The following BTBD9 variants were observed in gnomAD, a reference collection of about 807,000 sequenced individuals.
The protein encoded by BTBD9 is BTB/POZ domain-containing protein 9.
Under a neutral mutation model 64.3 loss-of-function variants are expected in BTBD9, and 49 were observed. The ratio of observed to expected loss-of-function variants is 0.76; its 90% CI spans 0.61 to 0.97. The LOEUF is 0.97. Ranked by LOEUF, BTBD9 falls within the 50% of genes least tolerant of loss-of-function variation. The pLI is 0.00. For missense variants in BTBD9, 598 were observed against 762.1 expected, an observed-to-expected ratio of 0.78 and a Z score of 2.53; for synonymous variants, 260 against 274.7, an observed-to-expected ratio of 0.95 and a Z score of 0.53.
At chr6:38,294,747 C>A (rs1762096617) in intron 7 of BTBD9, among the ~76,000 whole-genome samples, 1 of 151,834 alleles carries the variant, frequency 6.6e-6, no homozygotes, top group Non-Finnish European at 1.5e-5. Flanking sequence ...CATGTGTATA[C>A]CTATGTAACA....
chr6:38,207,651 A>G (rs564535184), intron 9 of BTBD9, among the ~76,000 whole-genome samples: 59 of 152,198 alleles, frequency 3.9e-4, no homozygotes, highest in African/African-American at 1.4e-3. Context: ...AACATTAAAC[A>G]TCAAATAAAA....
chr6:38,604,916 C>T (rs1777377881), intron 1 of BTBD9, among the ~76,000 whole-genome samples: 1 of 152,174 alleles, frequency 6.6e-6, no homozygotes, highest in South Asian at 2.1e-4. Context: ...GTTGCCCAGG[C>T]TAGACTCTTA....
At chr6:38,350,458 CTT>C (rs1384656834) in intron 6 of BTBD9, among the ~76,000 whole-genome samples, 3 of 152,186 alleles carry the variant, frequency 2.0e-5, no homozygotes, top group African/African-American at 7.2e-5. Context: ...ACAGTTAATC[CTT>C]AACCTTTGCC....
intron 6 of BTBD9, among the ~76,000 whole-genome samples, chr6:38,356,052 A>G (rs1024850686): frequency 2.6e-5 from 4 of 152,166 alleles, no homozygotes; most frequent in African/African-American, 9.7e-5. Flanking sequence ...GCTTTTGAGA[A>G]GCCACTATGA....
intron 9 of BTBD9, among the ~76,000 whole-genome samples, chr6:38,215,277 T>C (rs1762974628): frequency 6.6e-6 from 1 of 152,216 alleles, no homozygotes; most frequent in African/African-American, 2.4e-5. Context: ...TTCTATCACT[T>C]GTATTTTGGA....
chr6:38,270,288 G>A (rs1765155399), intron 8 of BTBD9, among the ~76,000 whole-genome samples: 1 of 151,958 alleles, frequency 6.6e-6, no homozygotes, highest in Admixed American at 6.6e-5. Context: ...CTGAGAACAC[G>A]GTCCTCGTGC....
At chr6:38,306,847 G>A (rs1419517985) in intron 7 of BTBD9, among the ~76,000 whole-genome samples, 3 of 152,168 alleles carry the variant, frequency 2.0e-5, no homozygotes, top group Non-Finnish European at 2.9e-5. Context: ...CAGTTACAGA[G>A]GACTGTCATC....
chr6:38,205,067 A>G (rs1197148828), intron 9 of BTBD9, among the ~76,000 whole-genome samples: 1 of 152,148 alleles, frequency 6.6e-6, no homozygotes, highest in Non-Finnish European at 1.5e-5. Context: ...ATAGAAGAGA[A>G]AGTATAAGAG....
At chr6:38,525,849 C>T (rs1206069652) in intron 6 of BTBD9, among the ~76,000 whole-genome samples, 1 of 152,116 alleles carries the variant, frequency 6.6e-6, no homozygotes, top group African/African-American at 2.4e-5. Flanking sequence ...ATCGTGCATG[C>T]TCATATGTGT....
At chr6:38,575,373 A>G (rs1057253121) in intron 6 of BTBD9, among the ~76,000 whole-genome samples, 3 of 152,330 alleles carry the variant, frequency 2.0e-5, no homozygotes, top group African/African-American at 7.2e-5. Context: ...AGAGCTTATA[A>G]TTTTAGTATC....
At chr6:38,387,390 A>G (rs1766223157) in intron 6 of BTBD9, among the ~76,000 whole-genome samples, 1 of 152,144 alleles carries the variant, frequency 6.6e-6, no homozygotes, top group Non-Finnish European at 1.5e-5. Context: ...TACAAAAATT[A>G]GCCGGGTGTA....
At chr6:38,555,529 A>C (rs1385861428) in intron 6 of BTBD9, among the ~76,000 whole-genome samples, 2 of 152,254 alleles carry the variant, frequency 1.3e-5, no homozygotes, top group Non-Finnish European at 2.9e-5. Context: ...CTATGTGCTA[A>C]CCAAAATAGT....
chr6:38,458,712 A>G (rs1006096515), intron 6 of BTBD9, among the ~76,000 whole-genome samples: 9 of 152,228 alleles, frequency 5.9e-5, no homozygotes, highest in Non-Finnish European at 7.3e-5. Context: ...CAACACACAC[A>G]AAATCTCACT....
intron 6 of BTBD9, among the ~76,000 whole-genome samples, chr6:38,449,756 A>T (rs553765500): frequency 2.0e-5 from 3 of 151,426 alleles, no homozygotes; most frequent in East Asian, 1.9e-4. Flanking sequence ...TTAAAAAAGA[A>T]AAAAAAAAGA....
At position 38,430,722 on chromosome 6, in the gene BTBD9, C is replaced by G. The variant is rs895240836; in HGVS notation, c.1155-85629G>C. Among the ~76,000 whole-genome samples, 20 of 151,618 alleles carry G rather than the reference C, an allele frequency of 1.3e-4. 1 individual carries two copies. Among genetic ancestry groups the G allele is most frequent in the Admixed American group, 7.2e-4 (11 of 15,260 alleles). On this transcript the variant is annotated intron_variant, in intron 6 of 10. Coordinates refer to ENST00000481247, the MANE Select transcript of BTBD9 (RefSeq NM_001099272.2). ...TAGAGACAGGGTCTCCCTATGTTGA[C>G]CAGGCTGGTCTCGAACTCCTGGACT... is the stretch of plus-strand genomic sequence containing the variant.
At chr6:38,353,480 T>C (rs1169130285) in intron 6 of BTBD9, among the ~76,000 whole-genome samples, 7 of 152,058 alleles carry the variant, frequency 4.6e-5, no homozygotes. Context: ...AAAACGAATA[T>C]GAACAAACCA....
chr6:38,487,580 A>C (rs1208374477), intron 6 of BTBD9, among the ~76,000 whole-genome samples: 1 of 128,770 alleles, frequency 7.8e-6, no homozygotes. Flanking sequence ...AGAGAGACAG[A>C]GAGAGAGTCA....
chr6:38,286,971 A>G (rs1373240587), intron 8 of BTBD9, among the ~76,000 whole-genome samples: 1 of 147,746 alleles, frequency 6.8e-6, no homozygotes, highest in Non-Finnish European at 1.5e-5. Flanking sequence ...AATCCCAGCT[A>G]CTTGGGAGGC....
chr6:38,469,719 T>C (rs1414304301), intron 6 of BTBD9, among the ~76,000 whole-genome samples: 9 of 152,228 alleles, frequency 5.9e-5, no homozygotes, highest in Non-Finnish European at 1.2e-4. Flanking sequence ...ACCAGGATTT[T>C]GTCGTCTGAG....
Sources: allele counts gnomAD v4.1 joint callset (sites outside exome capture counted in the v4.1 genomes callset), GRCh38; gene constraint gnomAD v4.1.1; transcripts MANE v1.5; gene names NCBI Gene and HGNC (gene_info 2026-07-23, HGNC 2026-07-21).